SLC25A26: variants seen among roughly 807,000 people sequenced by gnomAD.
SLC25A26 encodes the protein mitochondrial S-adenosylmethionine carrier protein.
A neutral mutation model predicts 37.8 loss-of-function variants in SLC25A26; 36 were observed. That is an observed-to-expected ratio of 0.95 (90% confidence interval 0.73 to 1.26). The LOEUF (loss-of-function observed/expected upper bound fraction) is 1.26. SLC25A26 is among the 50% of genes most tolerant of loss of function. The pLI, the probability that SLC25A26 is intolerant of heterozygous loss-of-function variation, is 0.00. For synonymous variants in SLC25A26, 129 were observed against 122.5 expected, an observed-to-expected ratio of 1.05 and a Z score of -0.35; for missense variants, 390 against 331.1, an observed-to-expected ratio of 1.18 and a Z score of -1.38.
Position 66,165,119 on chromosome 3 carries a change from G to A in SLC25A26, c.-354+31135G>A, listed in dbSNP as rs552838212. Among the ~76,000 whole-genome samples, 41 of 152,318 alleles carry A rather than the reference G, an allele frequency of 2.7e-4. 1 individual carries two copies. The highest frequency in any genetic ancestry group is 1.4e-3 in the Admixed American group (22 of 15,302). ...TTGCCCATTCTAGGGGAAGGTGGCT[G>A]TCATATTGTGATGACACTTAAGTGG... On this transcript the variant is annotated intron_variant, in intron 1 of 10. Coordinates refer to the SLC25A26 transcript ENST00000676754.
At chr3:66,300,525 A>G (rs2075046973) in intron 5 of SLC25A26, among the ~76,000 whole-genome samples, 2 of 152,132 alleles carry the variant, frequency 1.3e-5, no homozygotes, top group Non-Finnish European at 1.5e-5. Flanking sequence ...TCTTAAAAGT[A>G]CTTTCTTAAA....
At chr3:66,179,827 G>A (rs907823193) in intron 1 of SLC25A26, among the ~76,000 whole-genome samples, 1 of 151,762 alleles carries the variant, frequency 6.6e-6, no homozygotes, top group Non-Finnish European at 1.5e-5. Context: ...TAGTATTATT[G>A]TTATTAATAT....
intron 5 of SLC25A26, among the ~76,000 whole-genome samples, chr3:66,278,630 G>A (rs964772593): frequency 2.6e-5 from 4 of 152,050 alleles, no homozygotes; most frequent in Non-Finnish European, 4.4e-5. Flanking sequence ...TAGCATTCCA[G>A]TTATATAAAT....
intron 1 of SLC25A26, among the ~76,000 whole-genome samples, chr3:66,160,541 T>C (rs1396172748): frequency 6.6e-6 from 1 of 152,196 alleles, no homozygotes; most frequent in Admixed American, 6.5e-5. Flanking sequence ...TGGCCTTTCC[T>C]CCCCTACAAT....
intron 1 of SLC25A26, among the ~76,000 whole-genome samples, chr3:66,182,362 T>G (rs2106761686): frequency 6.6e-6 from 1 of 152,306 alleles, no homozygotes; most frequent in Non-Finnish European, 1.5e-5. Context: ...AAATTAAAGC[T>G]GTCCAGAACC....
At chr3:66,159,320 A>G (rs1408568579) in intron 1 of SLC25A26, among the ~76,000 whole-genome samples, 2 of 152,190 alleles carry the variant, frequency 1.3e-5, no homozygotes, top group Non-Finnish European at 2.9e-5. Flanking sequence ...CTAATGAAGA[A>G]AGGGGTGATA....
Position 66,296,606 on chromosome 3 carries a change from C to T in SLC25A26, c.453+33227C>T, listed in dbSNP as rs115395749. Among the ~76,000 whole-genome samples the T allele has an allele frequency of 4.5e-3, 692 of 152,184 alleles. 11 individuals are homozygous for T. The highest frequency in any genetic ancestry group is 0.012 in the African/African-American group (498 of 41,520). Reference sequence around the variant, plus strand: ...GTATTGTGTGTGTATGCATAGTATACTTTTAGGTATCTAAGTAGTGAAGAT... The same window carrying T: ...GTATTGTGTGTGTATGCATAGTATATTTTTAGGTATCTAAGTAGTGAAGAT... On this transcript the variant is annotated intron_variant, in intron 5 of 9. Coordinates refer to ENST00000354883, the MANE Select transcript of SLC25A26 (RefSeq NM_001379210.1).
intron 5 of SLC25A26, 47 bp downstream of exon 5, chr3:66,263,426 T>C (rs753473850): frequency 8.1e-7 from 1 of 1,227,920 alleles, no homozygotes; most frequent in Non-Finnish European, 1.2e-6. Flanking sequence ...AATGATGTCC[T>C]TTGTTCAGTA....
At chr3:66,374,471 C>A (rs1211526799) in intron 9 of SLC25A26, among the ~76,000 whole-genome samples, 2 of 152,176 alleles carry the variant, frequency 1.3e-5, no homozygotes, top group Admixed American at 6.5e-5. Context: ...GCCATTCCCT[C>A]TCTCTCTCCC....
At chr3:66,134,833 T>TA (rs2069923167) in intron 1 of SLC25A26, among the ~76,000 whole-genome samples, 2 of 151,870 alleles carry the variant, frequency 1.3e-5, no homozygotes, top group African/African-American at 4.8e-5. Flanking sequence ...TCCTTTATTT[T>TA]TTTTTTTATT....
chr3:66,171,050 G>C (rs188210639), intron 1 of SLC25A26, among the ~76,000 whole-genome samples: 1 of 151,694 alleles, frequency 6.6e-6, no homozygotes, highest in Non-Finnish European at 1.5e-5. Context: ...TGATCCGCCC[G>C]CCTCGGCCTC....
rs1370834002 is a variant in SLC25A26 at position 66,373,082 on chromosome 3, G to A, written c.707+2480G>A. On this transcript the variant is annotated intron_variant, in intron 9 of 9. Transcript: ENST00000354883. The stretch of plus-strand genomic sequence containing the variant: ...TAAACAAACACCGCGTGTTCATTCA[G>A]CCCCGTAGCCAAAGGCAGATGGGGA... Among the ~76,000 whole-genome samples the A allele has an allele frequency of 2.0e-5, 3 of 152,146 alleles. No homozygotes were observed. The East Asian group carries it at 5.8e-4, about 29-fold the overall frequency.
At chr3:66,174,780 C>T (rs1253397855) in intron 1 of SLC25A26, among the ~76,000 whole-genome samples, 4 of 147,568 alleles carry the variant, frequency 2.7e-5, no homozygotes, top group African/African-American at 7.5e-5. Flanking sequence ...AGCAAGACTC[C>T]GAGACTCCGT....
chr3:66,328,516 T>C (rs1210481845), intron 5 of SLC25A26, among the ~76,000 whole-genome samples: 2 of 152,198 alleles, frequency 1.3e-5, no homozygotes, highest in Non-Finnish European at 2.9e-5. Flanking sequence ...CCTTTGAAGA[T>C]AGGACTCTAA....
chr3:66,337,087 A>G (rs1415497868), intron 5 of SLC25A26, among the ~76,000 whole-genome samples: 5 of 152,134 alleles, frequency 3.3e-5, no homozygotes, highest in Non-Finnish European at 7.4e-5. Context: ...AATATTGAAC[A>G]TTAGCTAGGG....
At chr3:66,192,400 A>G (rs1354422047) in intron 1 of SLC25A26, among the ~76,000 whole-genome samples, 3 of 151,818 alleles carry the variant, frequency 2.0e-5, no homozygotes, top group East Asian at 3.9e-4. Flanking sequence ...ATGAGAAGAC[A>G]GTTACCTGTA....
chr3:66,270,079 G>A (rs926783936), intron 5 of SLC25A26, among the ~76,000 whole-genome samples: 21 of 152,220 alleles, frequency 1.4e-4, no homozygotes, highest in Non-Finnish European at 2.2e-4. Flanking sequence ...CTCTAAGGGG[G>A]CTTGGAGTTA....
At position 66,231,652 on chromosome 3, in the gene SLC25A26, A is replaced by G. The variant is rs920041807; in HGVS notation, c.34-4892A>G. On this transcript the variant is annotated intron_variant, in intron 1 of 9. Transcript: ENST00000354883. ...GACTTCTAATTATGCATATACAAATAGTTACACATTTTAAAAGATGGGATT... is the reference window on the plus strand; with the variant it reads ...GACTTCTAATTATGCATATACAAATGGTTACACATTTTAAAAGATGGGATT... 2.6e-5 allele frequency among the ~76,000 whole-genome samples: 4 copies of G among 152,144 alleles called. No individual in the cohort carries two copies. In the East Asian group the frequency reaches 5.8e-4, roughly 22 times the overall value.
chr3:66,144,183 T>C (rs1377346171), intron 1 of SLC25A26, among the ~76,000 whole-genome samples: 2 of 151,928 alleles, frequency 1.3e-5, no homozygotes, highest in East Asian at 3.9e-4. Flanking sequence ...TGTATCAAGA[T>C]CTCTGGGCAG....
Sources: gnomAD v4.1 joint callset for allele counts (sites outside exome capture counted in the v4.1 genomes callset) on GRCh38, gnomAD v4.1.1 for gene constraint, MANE v1.5 for transcripts, NCBI Gene and HGNC (gene_info 2026-07-23, HGNC 2026-07-21) for gene names.